TMC6: variants seen among roughly 807,000 people sequenced by gnomAD.
TMC6 encodes the protein transmembrane channel-like protein 6.
A neutral mutation model predicts 95.4 loss-of-function variants in TMC6; 71 were observed. That is an observed-to-expected ratio of 0.74 (90% CI 0.61 to 0.91). The LOEUF is 0.91. Ranked by LOEUF, TMC6 falls within the 40% of genes least tolerant of loss-of-function variation. The pLI, the probability that TMC6 is intolerant of heterozygous loss-of-function variation, is 0.00. For missense variants in TMC6, 1,074 were observed against 1,079.1 expected, an observed-to-expected ratio of 1.00 and a Z score of 0.07; for synonymous variants, 514 against 483.1, an observed-to-expected ratio of 1.06 and a Z score of -0.84.
chr17:78,131,581 C>T, upstream of TMC6: 1 of 1,543,852 alleles, frequency 6.5e-7, no homozygotes, highest in Non-Finnish European at 8.7e-7. Context: ...CTACCCGTGC[C>T]CGCCGAGATG....
intron 18 of TMC6, among the ~76,000 whole-genome samples, chr17:78,116,070 C>T (rs1005826583): frequency 3.9e-5 from 6 of 151,998 alleles, no homozygotes; most frequent in African/African-American, 7.3e-5. Context: ...AGTGCAGTGG[C>T]GCAATCTGGG....
At chr17:78,117,699 C>T (rs987837408) in intron 16 of TMC6, 55 bp from the exon 17 acceptor site, 2 of 1,554,506 alleles carry the variant, frequency 1.3e-6, no homozygotes, top group Admixed American at 1.9e-5. Context: ...CACCCGGCTC[C>T]CTCCCAGCCC....
chr17:78,131,517 C>T (rs917205651), upstream of TMC6: 20 of 1,530,114 alleles, frequency 1.3e-5, no homozygotes, highest in Non-Finnish European at 1.5e-5. Flanking sequence ...GGCCTTAAGG[C>T]TCATCCAACC....
chr17:78,126,736 G>A (rs777013084), intron 2 of TMC6, 41 bp downstream of exon 2: 57 of 1,611,566 alleles, frequency 3.5e-5, no homozygotes, highest in Non-Finnish European at 4.2e-5. Context: ...CGTGGGGGGT[G>A]GAACATTCCA....
At chr17:78,131,920 G>A (rs2074996114), upstream of TMC6, 1 of 1,497,974 alleles carries the variant, frequency 6.7e-7, no homozygotes, top group Middle Eastern at 2.2e-4. Flanking sequence ...ACCTTGCGCT[G>A]GCAGCGGTGG....
At chr17:78,123,470 A>G (rs28540337) in intron 9 of TMC6, among the ~76,000 whole-genome samples, 2 of 148,266 alleles carry the variant, frequency 1.3e-5, no homozygotes, top group Non-Finnish European at 3.0e-5. Flanking sequence ...TGGATGAATG[A>G]GTGGGTGGAT....
In TMC6 at chr17:78,127,487, C is replaced by G. The variant is rs545344227; in HGVS notation, c.-74-581G>C. On this transcript the variant is annotated intron_variant, in intron 1 of 19. Transcript: ENST00000590602. Reference sequence around the variant, plus strand: ...TCATGTTCTCAGAAGACCCACTGCCCTGCATTCCATCATCCCAGGGCGGCC... The same window carrying G: ...TCATGTTCTCAGAAGACCCACTGCCGTGCATTCCATCATCCCAGGGCGGCC... Among the ~76,000 whole-genome samples the G allele has an allele frequency of 8.5e-5, 13 of 152,336 alleles. No individual in the cohort carries two copies. The South Asian group carries it at 2.5e-3, about 29-fold the overall frequency.
chr17:78,129,008 AG>A (rs527963694), upstream of TMC6, among the ~76,000 whole-genome samples: 3 of 152,160 alleles, frequency 2.0e-5, no homozygotes, highest in African/African-American at 7.2e-5. This position sits in a 1 kb window ranked among gnomAD's most constrained non-coding sequence, Gnocchi z 4.3. Context: ...AGTTCCAAAA[AG>A]GGGCAATATT....
chr17:78,131,915 G>A, upstream of TMC6: 1 of 1,496,272 alleles, frequency 6.7e-7, no homozygotes, highest in Non-Finnish European at 8.9e-7. Flanking sequence ...TGCAGACCTT[G>A]CGCTGGCAGC....
chr17:78,132,162 C>T, upstream of TMC6: 1 of 1,443,228 alleles, frequency 6.9e-7, no homozygotes, highest in East Asian at 2.5e-5. Context: ...TCCCCCCTCC[C>T]ACCCCTTCCG....
At chr17:78,128,788 C>T (rs934163826), upstream of TMC6, 5 of 51,650 alleles carry the variant, frequency 9.7e-5, no homozygotes, top group African/African-American at 3.3e-4. The surrounding 1 kb of genome is among the most constrained non-coding windows in gnomAD (Gnocchi z 4.0). Flanking sequence ...CACCTCCCGG[C>T]CCACGTGGGC....
In TMC6 at chr17:78,128,359, T is replaced by C. The variant is rs1061590; in HGVS notation, c.-75+253A>G. 0.89 allele frequency among the ~76,000 whole-genome samples: 135,811 copies of C among 151,974 alleles called. 60,760 individuals are homozygous for C. The highest frequency in any genetic ancestry group is 0.94 in the African/African-American group (39,004 of 41,506). On this transcript the variant is annotated intron_variant, in intron 1 of 19. Coordinates refer to ENST00000590602, the MANE Select transcript of TMC6 (RefSeq NM_001127198.5). This position sits in a 1 kb window ranked among gnomAD's most constrained non-coding sequence, Gnocchi z 4.0. ...CCCCTCCCCTCCCCTCCCCGTGCCC[T>C]GGCGCTCGGCTGGGGGACCTGGGTG...
intron 9 of TMC6, 145 bp downstream of exon 9, chr17:78,123,844 G>C: frequency 9.1e-7 from 1 of 1,102,226 alleles, no homozygotes; most frequent in East Asian, 2.6e-5. Flanking sequence ...TGGGTAAGTG[G>C]ATAGTTGGAT....
chr17:78,117,693 C>T (rs779885337), intron 16 of TMC6, 49 bp from the exon 17 acceptor site: 46 of 1,554,316 alleles, frequency 3.0e-5, no homozygotes, highest in South Asian at 1.1e-4. Flanking sequence ...ACAGTTCACC[C>T]GGCTCCCTCC....
chr17:78,111,479 GTGGACTGTCACGTCACTTTC>G lies in TMC6; in HGVS notation c.*1649_*1668del, dbSNP rs1441851747. ...GGCTGGAAACCCTACGTCGGTCCCT[GTGGACTGTCACGTCACTTTC>G]TGGACTGCCCACGCAGCTTCACCCA... On this transcript the variant is annotated 3_prime_UTR_variant, in exon 20 of 20. Coordinates refer to ENST00000590602, the MANE Select transcript of TMC6 (RefSeq NM_001127198.5). 1 of 152,432 alleles carries G rather than the reference GTGGACTGTCACGTCACTTTC, an allele frequency of 6.6e-6. No individual in the cohort carries two copies. The highest frequency in any genetic ancestry group is 1.5e-5 in the Non-Finnish European group (1 of 68,168). 9.4% of individuals were successfully genotyped at this position (152,432 alleles called of 1,614,324 possible).
chr17:78,111,876 C>T lies in TMC6; in HGVS notation c.*1272G>A, dbSNP rs752557934. 8.8e-6 allele frequency: 2 copies of T among 227,680 alleles called. No homozygotes were observed. Among genetic ancestry groups the T allele is most frequent in the Non-Finnish European group, 1.8e-5 (2 of 111,736 alleles). The allele number at this position is 227,680 out of a possible 1,614,324, so 14.1% of individuals were successfully genotyped here. ...GCTGTGACAGGCTGGTCCCCACAAG[C>T]CTGGAACCCTGCGCCGTGACGGGCT... On this transcript the variant is annotated 3_prime_UTR_variant, in exon 20 of 20. Transcript: ENST00000590602.
chr17:78,119,238 G>A, intron 14 of TMC6, 59 bp downstream of exon 14: 4 of 1,599,578 alleles, frequency 2.5e-6, no homozygotes, highest in Non-Finnish European at 3.4e-6. Context: ...AGGACCCCCG[G>A]GGGGAAAGGG....
At chr17:78,120,466 A>AC (rs1378940416) in intron 13 of TMC6, 187 bp downstream of exon 13, 7 of 921,732 alleles carry the variant, frequency 7.6e-6, no homozygotes, top group Admixed American at 3.7e-5. Flanking sequence ...GGCCATACAC[A>AC]TCACTTTGAA....
Position 78,117,322 on chromosome 17 carries a change from C to T in TMC6, c.2224G>A (p.Val742Met), listed in dbSNP as rs1192135989. 1.2e-6 allele frequency: 2 copies of T among 1,613,488 alleles called. No homozygotes were observed. Among genetic ancestry groups the T allele is most frequent in the Admixed American group, 3.3e-5 (2 of 60,028 alleles). The change falls in exon 18 of 20, where the codon GTG becomes ATG. Residue 742 changes from valine (V) to methionine (M), a missense_variant. By Grantham distance (21) the Val-to-Met change is conservative. Transcript: ENST00000590602. ...LLAVIYLNIQ[V>M]VRGQRKVICL... ...ATGACCTTGCGCTGGCCCCGCACCACCTGGATGTTGAGGTAGATCACGGCC... is the reference window on the plus strand; with the variant it reads ...ATGACCTTGCGCTGGCCCCGCACCATCTGGATGTTGAGGTAGATCACGGCC...
Sources: allele counts gnomAD v4.1 joint callset (sites outside exome capture counted in the v4.1 genomes callset), GRCh38; gene constraint gnomAD v4.1.1; non-coding constraint Gnocchi (gnomAD v3.1); transcripts MANE v1.5; gene names NCBI Gene and HGNC (gene_info 2026-07-23, HGNC 2026-07-21).